The following THADA variants were observed in gnomAD, a reference collection of about 807,000 sequenced individuals.
The protein encoded by THADA is tRNA (32-2'-O)-methyltransferase regulator THADA.
THADA carries 213 observed loss-of-function variants against 219.8 expected under a neutral mutation model. The observed-to-expected ratio is 0.97, with a 90% CI of 0.87 to 1.09. The LOEUF (loss-of-function observed/expected upper bound fraction) is 1.09, where lower values mean the gene tolerates loss of function less well. THADA is among the 50% of genes least tolerant of loss of function. The probability of loss-of-function intolerance (pLI) is 0.00; values close to 1 mark genes in which losing one functional copy is unlikely to be tolerated. For missense variants in THADA, 2,956 were observed against 2,311.3 expected (o/e 1.28, Z -5.72); for synonymous variants, 1,018 against 828.9 (o/e 1.23, Z -3.92).
At chr2:43,536,842 C>T (rs1055376632) in intron 21 of THADA, among the ~76,000 whole-genome samples, 8 of 152,286 alleles carry the variant, frequency 5.3e-5, no homozygotes, top group African/African-American at 1.9e-4. Context: ...CTAGAACCTA[C>T]TTCACAGGAT....
intron 28 of THADA, among the ~76,000 whole-genome samples, chr2:43,414,020 T>C (rs916428147): frequency 3.3e-4 from 51 of 152,358 alleles, no homozygotes; most frequent in African/African-American, 1.2e-3. Context: ...AGAATACTTA[T>C]AATATTTAAT....
intron 36 of THADA, among the ~76,000 whole-genome samples, chr2:43,265,992 G>C (rs866214005): frequency 4.3e-4 from 42 of 96,600 alleles, no homozygotes; most frequent in Middle Eastern, 5.8e-3. Flanking sequence ...CACACACACA[G>C]ACTCTTGAGG....
chr2:43,538,018 G>C (rs1378578351), intron 21 of THADA, among the ~76,000 whole-genome samples: 1 of 151,966 alleles, frequency 6.6e-6, no homozygotes, highest in Non-Finnish European at 1.5e-5. Flanking sequence ...TTACTCGTGT[G>C]ATTTCTGTGG....
chr2:43,363,697 G>C (rs1218595991), intron 29 of THADA, among the ~76,000 whole-genome samples: 1 of 152,222 alleles, frequency 6.6e-6, no homozygotes, highest in Non-Finnish European at 1.5e-5. Context: ...AACAGGAGTA[G>C]TTCATGAGTC....
intron 10 of THADA, among the ~76,000 whole-genome samples, chr2:43,576,322 G>C (rs556687268): frequency 2.6e-5 from 4 of 152,208 alleles, no homozygotes; most frequent in African/African-American, 9.6e-5. Context: ...ATCACTTTCA[G>C]CCATTATGGC....
Position 43,574,771 on chromosome 2 carries a change from C to T in THADA, c.1294G>A (p.Val432Ile), listed in dbSNP as rs767131147. ...AATTCCACAAAGAAAGGATCAGGGA[C>T]GAAATCTGCACCTTCCACAGTGAGC... ...HRLTVEGADFVPDPFFVELTE... is the reference protein window; with the variant it reads ...HRLTVEGADFIPDPFFVELTE... The change falls in exon 11 of 38, where the codon GTC becomes ATC. Residue 432 changes from valine to isoleucine, a missense_variant. Coordinates refer to ENST00000405975, the MANE Select transcript of THADA (RefSeq NM_022065.5). 26 of 1,613,992 alleles carry T rather than the reference C, an allele frequency of 1.6e-5. No individual in the cohort carries two copies. In the East Asian group the frequency reaches 2.7e-4, roughly 17 times the overall value.
intron 30 of THADA, among the ~76,000 whole-genome samples, chr2:43,321,635 G>A (rs1678726616): frequency 6.6e-6 from 1 of 152,120 alleles, no homozygotes; most frequent in African/African-American, 2.4e-5. Context: ...TCCACCATGG[G>A]ATGACCCTCA....
At chr2:43,557,585 C>A (rs572992197) in intron 16 of THADA, among the ~76,000 whole-genome samples, 1 of 152,190 alleles carries the variant, frequency 6.6e-6, no homozygotes, top group African/African-American at 2.4e-5. Context: ...CCACTCACAT[C>A]GCCTGTCCTA....
At chr2:43,521,683 G>C (rs957050740) in intron 22 of THADA, among the ~76,000 whole-genome samples, 4 of 152,320 alleles carry the variant, frequency 2.6e-5, no homozygotes, top group Non-Finnish European at 4.4e-5. Context: ...GTATTGTCTT[G>C]AGCAGATCAC....
chr2:43,566,248 T>C (rs912775312), intron 15 of THADA: 8 of 487,240 alleles, frequency 1.6e-5, no homozygotes, highest in African/African-American at 1.4e-4. Flanking sequence ...CATCCTCATA[T>C]TGTCTTTCCG....
rs143314672 is a variant in THADA at position 43,408,610 on chromosome 2, C to T, written c.4059-10471G>A. Among the ~76,000 whole-genome samples the T allele has an allele frequency of 3.9e-3, 601 of 152,268 alleles. 7 individuals carry two copies. The highest frequency in any genetic ancestry group is 0.013 in the African/African-American group (558 of 41,552). On this transcript the variant is annotated intron_variant, in intron 28 of 37. Coordinates refer to ENST00000405975, the MANE Select transcript of THADA (RefSeq NM_022065.5). ...CTCTTACGCAAGGCTACTTTTAAGA[C>T]ATCCTCAAATTAAAATATGAGTATC... is the stretch of plus-strand genomic sequence containing the variant.
chr2:43,580,291 G>A (rs1035547813), intron 8 of THADA, among the ~76,000 whole-genome samples: 2 of 151,626 alleles, frequency 1.3e-5, no homozygotes, highest in Admixed American at 1.3e-4. Context: ...TGCCCGCCTT[G>A]GCCTCCCAAA....
intron 31 of THADA, among the ~76,000 whole-genome samples, chr2:43,310,874 G>A (rs1206971591): frequency 6.6e-6 from 1 of 152,194 alleles, no homozygotes; most frequent in African/African-American, 2.4e-5. Flanking sequence ...TACAACTTGA[G>A]AATAAAAAGA....
At chr2:43,547,074 C>CA (rs1277403927) in intron 20 of THADA, among the ~76,000 whole-genome samples, 1 of 151,954 alleles carries the variant, frequency 6.6e-6, no homozygotes, top group Admixed American at 6.6e-5. Context: ...CTGGTGGTGA[C>CA]AAAATCTCTC....
At chr2:43,342,363 T>C (rs1371315350) in intron 30 of THADA, among the ~76,000 whole-genome samples, 2 of 152,228 alleles carry the variant, frequency 1.3e-5, no homozygotes, top group African/African-American at 2.4e-5. Flanking sequence ...CATCCACACA[T>C]TGGGAAATCC....
chr2:43,548,318 C>T (rs1261358870), intron 20 of THADA, among the ~76,000 whole-genome samples: 1 of 152,248 alleles, frequency 6.6e-6, no homozygotes, highest in African/African-American at 2.4e-5. Context: ...GTTCAGGGGT[C>T]AGGGACCCAC....
At chr2:43,252,232 C>T (rs1054227748) in intron 36 of THADA, among the ~76,000 whole-genome samples, 6 of 152,174 alleles carry the variant, frequency 3.9e-5, no homozygotes, top group Non-Finnish European at 8.8e-5. Context: ...TCAAATACTC[C>T]CCATCTCTGA....
At chr2:43,449,674 T>G (rs1411339173) in intron 26 of THADA, among the ~76,000 whole-genome samples, 1 of 152,034 alleles carries the variant, frequency 6.6e-6, no homozygotes, top group Non-Finnish European at 1.5e-5. Context: ...GAAGCTGAGG[T>G]GGGAGAATCA....
intron 29 of THADA, among the ~76,000 whole-genome samples, chr2:43,384,443 T>C (rs1050588013): frequency 2.6e-5 from 4 of 152,172 alleles, no homozygotes; most frequent in African/African-American, 9.7e-5. Flanking sequence ...TGGATTGTAA[T>C]TACATTTCTA....
Sources: allele counts gnomAD v4.1 joint callset (sites outside exome capture counted in the v4.1 genomes callset), GRCh38; gene constraint gnomAD v4.1.1; transcripts MANE v1.5; gene names NCBI Gene and HGNC (gene_info 2026-07-23, HGNC 2026-07-21).